The following TFPI variants were observed in gnomAD, a reference collection of about 807,000 sequenced individuals.
The protein encoded by TFPI is tissue factor pathway inhibitor.
A neutral mutation model predicts 34.6 loss-of-function variants in TFPI; 15 were observed. The observed-to-expected ratio is 0.43, with a 90% CI of 0.29 to 0.67. The LOEUF (loss-of-function observed/expected upper bound fraction) is 0.67. Ranked by LOEUF, TFPI falls within the 30% of genes least tolerant of loss-of-function variation. TFPI has a pLI of 0.15. For synonymous variants in TFPI, 105 were observed against 120.1 expected (o/e 0.87, Z 0.82); for missense variants, 301 against 364.0 (o/e 0.83, Z 1.41).
intron 1 of TFPI, among the ~76,000 whole-genome samples, chr2:187,505,823 A>G (rs13424943): frequency 0.037 from 5,601 of 152,150 alleles, 328 homozygotes; most frequent in African/African-American, 0.13. Flanking sequence ...AGCATGGCAA[A>G]TATTAATGGA....
At chr2:187,525,727 A>G (rs1362205661) in intron 1 of TFPI, among the ~76,000 whole-genome samples, 1 of 152,144 alleles carries the variant, frequency 6.6e-6, no homozygotes, top group African/African-American at 2.4e-5. Context: ...ATTAGGACAC[A>G]TAGAGGAAAG....
intron 1 of TFPI, chr2:187,516,675 A>G (rs10205380): frequency 0.66 from 100,209 of 152,036 alleles, 33,437 homozygotes; most frequent in East Asian, 0.8. Context: ...AAAGAAGGAA[A>G]AAGTAAAAAC....
intron 6 of TFPI, chr2:187,478,821 GATAA>G: frequency 6.3e-7 from 1 of 1,596,884 alleles, no homozygotes; most frequent in Non-Finnish European, 8.6e-7. Flanking sequence ...TCACAAAATT[GATAA>G]ATAAAAAATG....
At chr2:187,502,152 A>G (rs1348535256) in intron 2 of TFPI, among the ~76,000 whole-genome samples, 1 of 152,222 alleles carries the variant, frequency 6.6e-6, no homozygotes, top group East Asian at 1.9e-4. Flanking sequence ...TCTAGCTTAA[A>G]TATCAAAATT....
intron 1 of TFPI, among the ~76,000 whole-genome samples, chr2:187,542,966 C>T (rs1307214347): frequency 1.3e-5 from 2 of 151,324 alleles, no homozygotes; most frequent in African/African-American, 2.4e-5. Flanking sequence ...CCTCCAGATA[C>T]AGGAATTTAA....
In TFPI at chr2:187,478,564, G is replaced by C. The variant is rs1276381546; in HGVS notation, c.628+5560C>G. On this transcript the variant is annotated intron_variant, in intron 6 of 7. Coordinates refer to ENST00000233156, the MANE Select transcript of TFPI (RefSeq NM_006287.6). ...GTTAGACATTTACAAGTGAGGTGCA[G>C]TGAGAAGACTATGTTTACTATGCAT... The C allele has an allele frequency of 2.2e-6, 3 of 1,373,694 alleles. No homozygotes were observed. The African/African-American group carries it at 4.4e-5, about 20-fold the overall frequency. The allele number at this position is 1,373,694 out of a possible 1,614,324, so 85.1% of individuals were successfully genotyped here.
chr2:187,483,704 CTG>C (rs1299527419), intron 6 of TFPI, among the ~76,000 whole-genome samples: 2 of 151,954 alleles, frequency 1.3e-5, no homozygotes, highest in Non-Finnish European at 2.9e-5. Flanking sequence ...CTAATCTGTC[CTG>C]TGAGTAACAC....
chr2:187,499,432 T>A (rs1685703615), intron 2 of TFPI: 1 of 151,268 alleles, frequency 6.6e-6, no homozygotes, highest in South Asian at 2.1e-4. Flanking sequence ...TAAAAATCAT[T>A]GAATTTTTTT....
chr2:187,490,367 T>C (rs1685036607), intron 3 of TFPI, among the ~76,000 whole-genome samples: 1 of 151,712 alleles, frequency 6.6e-6, no homozygotes, highest in Admixed American at 6.6e-5. Flanking sequence ...AATAATTGTA[T>C]ACTCTCACTT....
chr2:187,510,011 A>G (rs1252559647), intron 1 of TFPI, among the ~76,000 whole-genome samples: 1 of 152,052 alleles, frequency 6.6e-6, no homozygotes, highest in African/African-American at 2.4e-5. Context: ...CACCCCTCCC[A>G]TTGTCCACCA....
In TFPI at chr2:187,466,171, A is replaced by G. The variant is rs1691712135; in HGVS notation, c.*765T>C. On this transcript the variant is annotated 3_prime_UTR_variant, in exon 8 of 8. Transcript: ENST00000233156. ...GCATAGTATTAAGAAGTACATATAA[A>G]TAATTCCCTCTCGATTGCCATAAAA... 1 of 152,192 alleles carries G rather than the reference A, an allele frequency of 6.6e-6. No homozygotes were observed. The highest frequency in any genetic ancestry group is 6.5e-5 in the Admixed American group (1 of 15,274). The allele number at this position is 152,192 out of a possible 1,614,324, so 9.4% of individuals were successfully genotyped here. A position where few individuals can be genotyped will look rare whatever the true frequency, so the allele number is the denominator to read the frequency against.
Position 187,484,884 on chromosome 2 carries a change from C to A in TFPI, c.462G>T (p.Lys154Asn). Residue 154 changes from lysine to asparagine, a missense_variant, in exon 5 of 8, where the codon AAG becomes AAT. By Grantham distance (94) the Lys-to-Asn change is moderately conservative (BLOSUM62 0). Transcript: ENST00000233156. Reference sequence around the variant, plus strand: ...TCATATTGCCCAGGCATCCACCATACTTGAAACGTTCACACTGTTTTGTCT... The same window carrying A: ...TCATATTGCCCAGGCATCCACCATAATTGAAACGTTCACACTGTTTTGTCT... The part of the protein sequence containing the change: ...NNQTKQCERF[K>N]YGGCLGNMNN... 1 of 1,596,394 alleles carries A rather than the reference C, an allele frequency of 6.3e-7. No individual in the cohort carries two copies.
At chr2:187,481,722 C>T (rs1692877861) in intron 6 of TFPI, among the ~76,000 whole-genome samples, 1 of 151,582 alleles carries the variant, frequency 6.6e-6, no homozygotes, top group Non-Finnish European at 1.5e-5. Context: ...GTCAAATTGG[C>T]CGGAGGAATG....
chr2:187,506,884 C>G (rs1418177263), intron 1 of TFPI, among the ~76,000 whole-genome samples: 1 of 152,006 alleles, frequency 6.6e-6, no homozygotes, highest in East Asian at 1.9e-4. Flanking sequence ...AAGTTACTTT[C>G]TACCCCTACC....
chr2:187,545,810 T>A (rs1688828428), intron 1 of TFPI, among the ~76,000 whole-genome samples: 1 of 152,062 alleles, frequency 6.6e-6, no homozygotes, highest in Non-Finnish European at 1.5e-5. Context: ...TGAGCCAAAG[T>A]TAAGAAATTT....
chr2:187,494,904 G>A (rs1685366736), intron 3 of TFPI, among the ~76,000 whole-genome samples: 2 of 151,998 alleles, frequency 1.3e-5, no homozygotes, highest in Non-Finnish European at 1.5e-5. Context: ...TGTATTTTTA[G>A]TAGGGACGGA....
intron 6 of TFPI, among the ~76,000 whole-genome samples, chr2:187,470,171 T>A (rs1691951950): frequency 1.3e-5 from 2 of 152,204 alleles, no homozygotes; most frequent in Admixed American, 6.6e-5. Context: ...AATTTCACTT[T>A]AGCATTTTGT....
chr2:187,475,014 C>G (rs1239738073), intron 6 of TFPI, among the ~76,000 whole-genome samples: 1 of 152,092 alleles, frequency 6.6e-6, no homozygotes. Context: ...CTCTGTTCTC[C>G]CGTAACCCTT....
At chr2:187,476,008 C>A (rs1024531901) in intron 6 of TFPI, among the ~76,000 whole-genome samples, 4 of 152,084 alleles carry the variant, frequency 2.6e-5, no homozygotes, top group African/African-American at 9.7e-5. Context: ...TGTCATCATA[C>A]AAGGAGGCTA....
Sources: allele counts gnomAD v4.1 joint callset (sites outside exome capture counted in the v4.1 genomes callset), GRCh38; gene constraint gnomAD v4.1.1; transcripts MANE v1.5; gene names NCBI Gene and HGNC (gene_info 2026-07-23, HGNC 2026-07-21).